The following FBXW4 variants were observed in gnomAD, a reference collection of about 807,000 sequenced individuals.
FBXW4 encodes F-box and WD repeat domain containing 4.
FBXW4 carries 40 observed loss-of-function variants against 61.8 expected under a neutral mutation model. That is an observed-to-expected ratio of 0.65 (90% confidence interval 0.50 to 0.84). The LOEUF is 0.84. Among genes scored for constraint, FBXW4 ranks in the 40% least tolerant of loss-of-function variants. FBXW4 has a pLI of 0.00. For missense variants in FBXW4, 672 were observed against 753.8 expected (o/e 0.89, Z 1.27); for synonymous variants, 311 against 313.8 (o/e 0.99, Z 0.10).
rs1487062714 is a variant in FBXW4, at chr10:101,611,642, T to A, written c.1570A>T (p.Arg524Trp). ...GVVRLWDRRQ[R>W]ACLHAFPLTS... Reference sequence around the variant, plus strand: ...AGGACACTTACGTGCAGGCAGGCCCTTTGACGCCGGTCCCACAGCCGTACA... The same window carrying A: ...AGGACACTTACGTGCAGGCAGGCCCATTGACGCCGGTCCCACAGCCGTACA... The change falls in exon 8 of 9, where the codon AGG (arginine) becomes TGG (tryptophan). Residue 524 changes from arginine to tryptophan, a missense_variant. Arg to Trp is a moderately radical substitution (Grantham distance 101, BLOSUM62 -3). Coordinates refer to ENST00000331272, the MANE Select transcript of FBXW4 (RefSeq NM_022039.4). The surrounding 1 kb of genome is among the most constrained non-coding windows in gnomAD (Gnocchi z 4.9). 9.9e-6 allele frequency: 16 copies of A among 1,614,168 alleles called. No homozygotes were observed. The highest frequency in any genetic ancestry group is 1.3e-5 in the African/African-American group (1 of 75,038).
At chr10:101,661,879 T>C (rs2064247847) in intron 5 of FBXW4, among the ~76,000 whole-genome samples, 1 of 152,192 alleles carries the variant, frequency 6.6e-6, no homozygotes, top group Non-Finnish European at 1.5e-5. Flanking sequence ...CCAGCTACAA[T>C]GCAGAGCACT....
At chr10:101,627,474 C>T (rs1356956674) in intron 5 of FBXW4, among the ~76,000 whole-genome samples, 1 of 152,198 alleles carries the variant, frequency 6.6e-6, no homozygotes, top group Non-Finnish European at 1.5e-5. Flanking sequence ...TGGGTGCAGA[C>T]ACAGTTTTGC....
At chr10:101,633,887 G>A (rs2063979421) in intron 5 of FBXW4, among the ~76,000 whole-genome samples, 1 of 152,134 alleles carries the variant, frequency 6.6e-6, no homozygotes, top group African/African-American at 2.4e-5. Flanking sequence ...GAGGGGGGTG[G>A]ATCACCCAAG....
At chr10:101,690,599 A>G (rs1043182354) in intron 1 of FBXW4, among the ~76,000 whole-genome samples, 6 of 152,246 alleles carry the variant, frequency 3.9e-5, no homozygotes, top group African/African-American at 1.4e-4. Context: ...TAAGACCATT[A>G]GCAAATCACA....
chr10:101,619,208 T>C (rs2063848771), intron 6 of FBXW4, among the ~76,000 whole-genome samples: 1 of 152,190 alleles, frequency 6.6e-6, no homozygotes, highest in African/African-American at 2.4e-5. Flanking sequence ...CCGGAATTCC[T>C]GGCACTTGGG....
In FBXW4 at chr10:101,694,715, C is replaced by T; in HGVS notation, c.391G>A (p.Glu131Lys). ...TGTGCTCTTCCCGGCCTGGCGCCCT[C>T]CCGCCGCCTAGCCCTGACCCTCCAT... ...EEWRVRARRR[E>K]GARPGRAQGR... The change falls in exon 1 of 9, where the codon GAG becomes AAG. Residue 131 changes from glutamate to lysine, a missense_variant. This residue lies in a region of FBXW4 where 311 missense variants were observed against 301.1 expected (regional missense o/e 1.03). Coordinates refer to ENST00000331272, the MANE Select transcript of FBXW4 (RefSeq NM_022039.4). The surrounding 1 kb of genome is among the most constrained non-coding windows in gnomAD (Gnocchi z 6.0). 1 of 1,375,804 alleles carries T rather than the reference C, an allele frequency of 7.3e-7. No individual in the cohort carries two copies. Among genetic ancestry groups the T allele is most frequent in the Non-Finnish European group, 9.3e-7 (1 of 1,073,160 alleles). 85.2% of individuals were successfully genotyped at this position (1,375,804 alleles called of 1,614,324 possible). A position where few individuals can be genotyped will look rare whatever the true frequency, so the allele number is the denominator to read the frequency against.
At position 101,611,054 on chromosome 10, in the gene FBXW4, C is replaced by A; in HGVS notation, c.*237G>T. Reference sequence around the variant, plus strand: ...CAGGGACGCAAGGCCCGGGTTCAGCCGCACTCTAAAGCAGCAGGTCCTGCC... The same window carrying A: ...CAGGGACGCAAGGCCCGGGTTCAGCAGCACTCTAAAGCAGCAGGTCCTGCC... On this transcript the variant is annotated 3_prime_UTR_variant, in exon 9 of 9. Transcript: ENST00000331272. This position sits in a 1 kb window ranked among gnomAD's most constrained non-coding sequence, Gnocchi z 4.9. 2.2e-6 allele frequency: 1 copy of A among 458,282 alleles called. No individual in the cohort carries two copies. The highest frequency in any genetic ancestry group is 3.9e-6 in the Non-Finnish European group (1 of 257,604). 28.4% of individuals were successfully genotyped at this position (458,282 alleles called of 1,614,324 possible).
intron 1 of FBXW4, among the ~76,000 whole-genome samples, chr10:101,681,922 A>T (rs1256244079): frequency 6.6e-6 from 1 of 152,084 alleles, no homozygotes; most frequent in African/African-American, 2.4e-5. Flanking sequence ...ACTGGGATCT[A>T]TATCCCAATT....
chr10:101,659,534 A>C, intron 5 of FBXW4: 1 of 489,372 alleles, frequency 2.0e-6, no homozygotes, highest in Non-Finnish European at 2.7e-6. Flanking sequence ...TGAAGCAATG[A>C]GATGCTTCAT....
At chr10:101,664,161 T>C (rs957466509) in intron 5 of FBXW4, among the ~76,000 whole-genome samples, 4 of 152,190 alleles carry the variant, frequency 2.6e-5, no homozygotes, top group African/African-American at 9.6e-5. Context: ...TTGCTTTCTC[T>C]CAGTCGTGAG....
At chr10:101,618,552 G>A (rs74926559) in intron 6 of FBXW4, among the ~76,000 whole-genome samples, 23,081 of 152,050 alleles carry the variant, frequency 0.15, 2,087 homozygotes, top group Middle Eastern at 0.22. Context: ...GGAAGTGGAG[G>A]TGTAACATGG....
intron 5 of FBXW4, chr10:101,660,095 C>A (rs946864707): frequency 3.2e-5 from 32 of 985,266 alleles, no homozygotes; most frequent in African/African-American, 7.0e-5. Context: ...CGGGAGGGGT[C>A]GGAGTCAGAT....
At chr10:101,613,640 G>A (rs759704117) in intron 6 of FBXW4, among the ~76,000 whole-genome samples, 2 of 152,214 alleles carry the variant, frequency 1.3e-5, no homozygotes, top group African/African-American at 2.4e-5. Flanking sequence ...GTCAGCTCTC[G>A]TCCTTCCACC....
intron 1 of FBXW4, among the ~76,000 whole-genome samples, chr10:101,677,011 G>A (rs1370068131): frequency 6.6e-6 from 1 of 152,176 alleles, no homozygotes; most frequent in African/African-American, 2.4e-5. Context: ...ATGTATATCT[G>A]ACAGGAATTT....
intron 3 of FBXW4, 115 bp downstream of exon 3, chr10:101,673,373 C>T: frequency 8.3e-7 from 1 of 1,202,964 alleles, no homozygotes; most frequent in Non-Finnish European, 1.2e-6. Context: ...AATGGAAAAC[C>T]CTTCTGGTCT....
intron 5 of FBXW4, among the ~76,000 whole-genome samples, chr10:101,652,490 T>C (rs1044175484): frequency 2.0e-5 from 3 of 151,864 alleles, no homozygotes; most frequent in Admixed American, 6.6e-5. Context: ...TTTTGTGAGC[T>C]GAGGGGGGAA....
chr10:101,645,963 T>A (rs1010828382), intron 5 of FBXW4, among the ~76,000 whole-genome samples: 9 of 152,292 alleles, frequency 5.9e-5, no homozygotes, highest in Non-Finnish European at 1.3e-4. Context: ...TTTTGTAAAC[T>A]GAGGATGATG....
At chr10:101,683,897 GC>G (rs2064504610) in intron 1 of FBXW4, among the ~76,000 whole-genome samples, 1 of 152,202 alleles carries the variant, frequency 6.6e-6, no homozygotes, top group Non-Finnish European at 1.5e-5. Flanking sequence ...ATGTCAAGGG[GC>G]ACCAGGCCAA....
intron 5 of FBXW4, among the ~76,000 whole-genome samples, chr10:101,635,760 G>A (rs180931033): frequency 2.1e-4 from 32 of 151,350 alleles, no homozygotes; most frequent in Non-Finnish European, 3.7e-4. Flanking sequence ...CTGATCCCTT[G>A]AGCCCAGGAG....
Sources: allele counts gnomAD v4.1 joint callset (sites outside exome capture counted in the v4.1 genomes callset), GRCh38; gene constraint gnomAD v4.1.1; regional missense constraint gnomAD v4.1.1; non-coding constraint Gnocchi (gnomAD v3.1); transcripts MANE v1.5; gene names NCBI Gene and HGNC (gene_info 2026-07-23, HGNC 2026-07-21).